NIPAL2: variants seen among roughly 807,000 people sequenced by gnomAD.
NIPAL2 encodes NIPA-like protein 2.
NIPAL2 carries 43 observed loss-of-function variants against 48.9 expected under a neutral mutation model. The ratio of observed to expected loss-of-function variants is 0.88; its 90% CI spans 0.69 to 1.13. NIPAL2 has a LOEUF of 1.13. Among genes scored for constraint, NIPAL2 ranks in the 50% most tolerant of loss-of-function variants. The pLI, the probability that NIPAL2 is intolerant of heterozygous loss-of-function variation, is 0.00. For synonymous variants in NIPAL2, 167 were observed against 174.6 expected (o/e 0.96, Z 0.34); for missense variants, 446 against 461.4 (o/e 0.97, Z 0.31).
chr8:98,285,500 A>AG (rs1450624660), intron 1 of NIPAL2, among the ~76,000 whole-genome samples: 1 of 152,184 alleles, frequency 6.6e-6, no homozygotes, highest in Non-Finnish European at 1.5e-5. Flanking sequence ...TCTTTCTTCC[A>AG]GGGGGGTGAA....
intron 4 of NIPAL2, among the ~76,000 whole-genome samples, chr8:98,235,632 A>G (rs1366536071): frequency 6.6e-6 from 1 of 151,660 alleles, no homozygotes; most frequent in Non-Finnish European, 1.5e-5. Flanking sequence ...ATAAAATTTT[A>G]TAACATTAAT....
chr8:98,289,966 G>C (rs1280921637), intron 1 of NIPAL2, among the ~76,000 whole-genome samples: 1 of 152,198 alleles, frequency 6.6e-6, no homozygotes, highest in African/African-American at 2.4e-5. Context: ...CAGCAAGACA[G>C]AAGCCTTAAT....
chr8:98,210,275 C>T (rs542117682), intron 6 of NIPAL2, among the ~76,000 whole-genome samples: 1 of 152,132 alleles, frequency 6.6e-6, no homozygotes, highest in East Asian at 1.9e-4. Context: ...CAGCATTAGT[C>T]ATGAACTCTA....
At chr8:98,266,913 A>G (rs144289488) in intron 1 of NIPAL2, among the ~76,000 whole-genome samples, 200 of 152,326 alleles carry the variant, frequency 1.3e-3, no homozygotes, top group African/African-American at 4.6e-3. Context: ...AGGTAATAAT[A>G]AAGCTTTATT....
intron 3 of NIPAL2, among the ~76,000 whole-genome samples, chr8:98,238,621 T>TC (rs397973695): frequency 8.6e-5 from 13 of 151,762 alleles, no homozygotes; most frequent in Admixed American, 4.6e-4. Flanking sequence ...TTTTTTTTTT[T>TC]CCTCAACTTA....
intron 2 of NIPAL2, 40 bp from the exon 3 acceptor site, chr8:98,252,674 G>A: frequency 1.3e-6 from 2 of 1,543,194 alleles, no homozygotes; most frequent in Non-Finnish European, 1.7e-6. Context: ...AACATTCTGA[G>A]CTATGAGGGG....
chr8:98,202,825 G>A (rs1810865421), intron 8 of NIPAL2, among the ~76,000 whole-genome samples: 1 of 152,198 alleles, frequency 6.6e-6, no homozygotes, highest in African/African-American at 2.4e-5. Flanking sequence ...TCTTAAATTT[G>A]CAAGGAAACT....
intron 1 of NIPAL2, among the ~76,000 whole-genome samples, chr8:98,284,529 T>C (rs150269160): frequency 1.3e-5 from 2 of 152,282 alleles, no homozygotes; most frequent in Admixed American, 6.5e-5. Context: ...CACTGCCTTA[T>C]AGAGAAGGCC....
At chr8:98,282,770 T>C (rs142141174) in intron 1 of NIPAL2, among the ~76,000 whole-genome samples, 138 of 152,324 alleles carry the variant, frequency 9.1e-4, no homozygotes, top group African/African-American at 3.1e-3. Flanking sequence ...ACTGGGTGGG[T>C]TGTGCTATTT....
chr8:98,270,031 G>T (rs1295901602), intron 1 of NIPAL2, among the ~76,000 whole-genome samples: 1 of 152,024 alleles, frequency 6.6e-6, no homozygotes, highest in Non-Finnish European at 1.5e-5. Context: ...CTTTTTTTAT[G>T]GCTGCATAAT....
chr8:98,224,272 C>T (rs1445218358), intron 4 of NIPAL2, among the ~76,000 whole-genome samples: 1 of 152,192 alleles, frequency 6.6e-6, no homozygotes, highest in Non-Finnish European at 1.5e-5. Context: ...TTAACTACTA[C>T]CACTAGTTCC....
intron 5 of NIPAL2, among the ~76,000 whole-genome samples, chr8:98,219,806 C>A: frequency 6.6e-6 from 1 of 152,128 alleles, no homozygotes; most frequent in Non-Finnish European, 1.5e-5. Context: ...GACCGGTGAG[C>A]CCCCTCCAGC....
intron 4 of NIPAL2, among the ~76,000 whole-genome samples, chr8:98,224,744 T>C (rs1812067009): frequency 7.7e-6 from 1 of 130,630 alleles, no homozygotes; most frequent in South Asian, 2.6e-4. Flanking sequence ...TATACTTTCT[T>C]TCTTTCTTTT....
intron 6 of NIPAL2, among the ~76,000 whole-genome samples, chr8:98,206,861 C>A (rs1811070566): frequency 6.6e-6 from 1 of 151,808 alleles, no homozygotes; most frequent in African/African-American, 2.4e-5. Flanking sequence ...CACTTCTCAA[C>A]AAAGAGGCCC....
Position 98,233,350 on chromosome 8 carries a change from G to A in NIPAL2, c.436+2805C>T, listed in dbSNP as rs376687376. ...TAGTTTGTTTTCTTGATGTGTGTGT[G>A]TGTGTGTGTGTGTGTGTTTTCCCCT... is the stretch of plus-strand genomic sequence containing the variant. On this transcript the variant is annotated intron_variant, in intron 4 of 10. Transcript: ENST00000430223. Among the ~76,000 whole-genome samples the A allele has an allele frequency of 7.2e-3, 1,090 of 151,964 alleles. 5 individuals carry two copies. Among genetic ancestry groups the A allele is most frequent in the Non-Finnish European group, 0.012 (803 of 67,938 alleles).
intron 1 of NIPAL2, 37 bp from the exon 2 acceptor site, chr8:98,254,124 A>G (rs1302995864): frequency 1.3e-6 from 2 of 1,533,972 alleles, no homozygotes; most frequent in Non-Finnish European, 1.8e-6. Flanking sequence ...TAATACTTGT[A>G]AGATATTTAC....
chr8:98,203,783 A>G (rs1810908014), intron 7 of NIPAL2, among the ~76,000 whole-genome samples: 1 of 152,072 alleles, frequency 6.6e-6, no homozygotes, highest in Admixed American at 6.6e-5. Context: ...GGGTGCTTTT[A>G]AAAAGCACTA....
chr8:98,287,223 T>C (rs1482368695), intron 1 of NIPAL2, among the ~76,000 whole-genome samples: 1 of 152,132 alleles, frequency 6.6e-6, no homozygotes, highest in African/African-American at 2.4e-5. Flanking sequence ...GTCTATGAAA[T>C]ATGATGACAC....
intron 8 of NIPAL2, among the ~76,000 whole-genome samples, chr8:98,197,391 G>C (rs1051618625): frequency 6.6e-6 from 1 of 152,202 alleles, no homozygotes; most frequent in Non-Finnish European, 1.5e-5. Flanking sequence ...GCTAGTTGTA[G>C]GGACTTTCCT....
Sources: gnomAD v4.1 joint callset for allele counts (sites outside exome capture counted in the v4.1 genomes callset) on GRCh38, gnomAD v4.1.1 for gene constraint, MANE v1.5 for transcripts, NCBI Gene and HGNC (gene_info 2026-07-23, HGNC 2026-07-21) for gene names.